The following SRPK2 variants were observed in gnomAD, a reference collection of about 807,000 sequenced individuals.
SRPK2 encodes SFRS protein kinase 2.
SRPK2 carries 21 observed loss-of-function variants against 90.8 expected under a neutral mutation model. The ratio of observed to expected loss-of-function variants is 0.23; its 90% CI spans 0.16 to 0.33. The LOEUF (loss-of-function observed/expected upper bound fraction) is 0.33. Among genes scored for constraint, SRPK2 ranks in the 10% least tolerant of loss-of-function variants. The probability of loss-of-function intolerance (pLI) is 1.00; values close to 1 mark genes in which losing one functional copy is unlikely to be tolerated. For missense variants in SRPK2, 620 were observed against 869.0 expected, an observed-to-expected ratio of 0.71 and a Z score of 3.60; for synonymous variants, 288 against 311.1, an observed-to-expected ratio of 0.93 and a Z score of 0.78.
chr7:105,378,758 T>C (rs1206869425), intron 2 of SRPK2, among the ~76,000 whole-genome samples: 1 of 132,030 alleles, frequency 7.6e-6, no homozygotes, highest in Non-Finnish European at 1.6e-5. Context: ...AAAGACTCCG[T>C]CTCAAAAAAA....
chr7:105,221,430 C>T (rs1798081322), intron 2 of SRPK2, among the ~76,000 whole-genome samples: 1 of 151,380 alleles, frequency 6.6e-6, no homozygotes, highest in African/African-American at 2.4e-5. Flanking sequence ...GTCCTCATGC[C>T]CTTCTTGAAT....
At position 105,133,657 on chromosome 7, in the gene SRPK2, G is replaced by C. The variant is rs776462773; in HGVS notation, c.1544-553C>G. Among the ~76,000 whole-genome samples the C allele has an allele frequency of 1.5e-4, 23 of 152,330 alleles. 1 individual carries two copies. The highest frequency in any genetic ancestry group is 8.8e-5 in the Non-Finnish European group (6 of 68,030). On this transcript the variant is annotated intron_variant, in intron 11 of 15. Coordinates refer to ENST00000393651, the MANE Select transcript of SRPK2 (RefSeq NM_182692.3). Reference sequence around the variant, plus strand: ...TGGGCTGAGCACACACAGATCTCAAGGGGTAGATGACTGTTGATTAACAAA... The same window carrying C: ...TGGGCTGAGCACACACAGATCTCAACGGGTAGATGACTGTTGATTAACAAA...
At chr7:105,345,074 T>C (rs1360939775) in intron 2 of SRPK2, among the ~76,000 whole-genome samples, 2 of 150,730 alleles carry the variant, frequency 1.3e-5, no homozygotes, top group African/African-American at 2.4e-5. Flanking sequence ...AGGCGGAGGT[T>C]ACAGTGAGCC....
At chr7:105,329,510 C>G (rs1421064867) in intron 2 of SRPK2, among the ~76,000 whole-genome samples, 2 of 150,806 alleles carry the variant, frequency 1.3e-5, no homozygotes, top group African/African-American at 2.4e-5. Context: ...GGGAGAATCA[C>G]TTGAACCTGG....
intron 1 of SRPK2, among the ~76,000 whole-genome samples, chr7:105,398,477 A>C (rs975468891): frequency 6.8e-6 from 1 of 147,064 alleles, no homozygotes; most frequent in African/African-American, 2.5e-5. Context: ...TCCGCCTCCC[A>C]GGTTCAAGCG....
Position 105,386,442 on chromosome 7 carries a change from G to A in SRPK2, c.71+2206C>T, listed in dbSNP as rs560997877. On this transcript the variant is annotated intron_variant, in intron 2 of 15. Transcript: ENST00000393651. ...TAATATCTTGATTCAGGTCGGGCAC[G>A]GTGGCTCACACCTGTAATCCCAGCT... Among the ~76,000 whole-genome samples, 35 of 152,174 alleles carry A rather than the reference G, an allele frequency of 2.3e-4. No homozygotes were observed. In the South Asian group the frequency reaches 3.3e-3, roughly 14 times the overall value.
intron 2 of SRPK2, among the ~76,000 whole-genome samples, chr7:105,204,182 C>T (rs1367448659): frequency 2.0e-5 from 3 of 152,156 alleles, no homozygotes; most frequent in South Asian, 2.1e-4. Context: ...AAAAGACAGG[C>T]GCAAGCAGCA....
At chr7:105,224,132 T>G (rs1208237918) in intron 2 of SRPK2, among the ~76,000 whole-genome samples, 1 of 152,236 alleles carries the variant, frequency 6.6e-6, no homozygotes, top group East Asian at 1.9e-4. Context: ...TTAAACGACA[T>G]CTGTACCATA....
chr7:105,337,008 G>A (rs1350510836), intron 2 of SRPK2, among the ~76,000 whole-genome samples: 1 of 151,972 alleles, frequency 6.6e-6, no homozygotes, highest in Non-Finnish European at 1.5e-5. Context: ...CACTATGTTG[G>A]CCAGGCTAGT....
intron 2 of SRPK2, among the ~76,000 whole-genome samples, chr7:105,299,354 C>G (rs1245727918): frequency 6.6e-6 from 1 of 152,198 alleles, no homozygotes; most frequent in Non-Finnish European, 1.5e-5. Context: ...AGTAAAGGAT[C>G]TACCTTAAGG....
At chr7:105,202,435 C>G (rs1301287936) in intron 3 of SRPK2, among the ~76,000 whole-genome samples, 3 of 152,190 alleles carry the variant, frequency 2.0e-5, no homozygotes, top group Non-Finnish European at 4.4e-5. Context: ...ATCTCACCAA[C>G]TTTGGCTCAG....
At chr7:105,253,022 C>T (rs775213231) in intron 2 of SRPK2, among the ~76,000 whole-genome samples, 2 of 152,108 alleles carry the variant, frequency 1.3e-5, no homozygotes, top group African/African-American at 2.4e-5. Flanking sequence ...GGATTACAGG[C>T]GTGAGCCACC....
intron 2 of SRPK2, among the ~76,000 whole-genome samples, chr7:105,329,724 G>C (rs1814051530): frequency 6.6e-6 from 1 of 152,044 alleles, no homozygotes. Context: ...ACAGAAGAAA[G>C]GGCTCATCTC....
chr7:105,187,469 C>A (rs1274197313), intron 3 of SRPK2, among the ~76,000 whole-genome samples: 1 of 152,204 alleles, frequency 6.6e-6, no homozygotes, highest in Non-Finnish European at 1.5e-5. Flanking sequence ...ACCTTGACAT[C>A]TGCCTGACTC....
chr7:105,161,949 C>T (rs571249319), intron 6 of SRPK2, among the ~76,000 whole-genome samples: 112 of 152,186 alleles, frequency 7.4e-4, no homozygotes, highest in Non-Finnish European at 1.3e-3. Context: ...GGTCTCACTA[C>T]GCTGTGCCAG....
intron 2 of SRPK2, among the ~76,000 whole-genome samples, chr7:105,355,057 T>C (rs561441586): frequency 2.0e-5 from 3 of 152,354 alleles, no homozygotes; most frequent in African/African-American, 7.2e-5. Flanking sequence ...ATATCCATGT[T>C]GTAGCATGTA....
At chr7:105,338,910 G>A (rs1815427030) in intron 2 of SRPK2, among the ~76,000 whole-genome samples, 1 of 152,008 alleles carries the variant, frequency 6.6e-6, no homozygotes, top group South Asian at 2.1e-4. Flanking sequence ...CCTGTTTGGG[G>A]TGTTTTTGTC....
At position 105,117,633 on chromosome 7, in the gene SRPK2, T is replaced by C; in HGVS notation, c.*205A>G. On this transcript the variant is annotated 3_prime_UTR_variant, in exon 16 of 16. Coordinates refer to ENST00000393651, the MANE Select transcript of SRPK2 (RefSeq NM_182692.3). ...TTCCAGAAGAAAATGGTCAGTAAAC[T>C]ACTTAGCTGAAGACAAAAGACTACC... is the stretch of plus-strand genomic sequence containing the variant. 3.4e-6 allele frequency: 2 copies of C among 580,092 alleles called. No individual in the cohort carries two copies. The highest frequency in any genetic ancestry group is 6.0e-6 in the Non-Finnish European group (2 of 332,414). The allele number at this position is 580,092 out of a possible 1,614,324, so 35.9% of individuals were successfully genotyped here. A position where few individuals can be genotyped will look rare whatever the true frequency, so the allele number is the denominator to read the frequency against.
intron 7 of SRPK2, among the ~76,000 whole-genome samples, chr7:105,158,802 GT>G (rs1008302927): frequency 7.0e-6 from 1 of 142,372 alleles, no homozygotes; most frequent in Non-Finnish European, 1.5e-5. Context: ...ATTTTTTTGT[GT>G]TTTTTTGTGT....
Sources: gnomAD v4.1 joint callset for allele counts (sites outside exome capture counted in the v4.1 genomes callset) on GRCh38, gnomAD v4.1.1 for gene constraint, MANE v1.5 for transcripts, NCBI Gene and HGNC (gene_info 2026-07-23, HGNC 2026-07-21) for gene names.